The following NT5C3A variants were observed in gnomAD, a reference collection of about 807,000 sequenced individuals.
NT5C3A encodes the protein 5'-nucleotidase, cytosolic IIIA.
In NT5C3A, 23 loss-of-function variants were observed where a neutral mutation model predicts 40.0. The ratio of observed to expected loss-of-function variants is 0.58; its 90% CI spans 0.41 to 0.81. NT5C3A has a LOEUF of 0.81. Ranked by LOEUF, NT5C3A falls within the 40% of genes least tolerant of loss-of-function variation. NT5C3A has a pLI of 0.00. For missense variants in NT5C3A, 328 were observed against 403.0 expected (o/e 0.81, Z 1.59); for synonymous variants, 130 against 141.4 (o/e 0.92, Z 0.57).
chr7:33,031,475 A>G (rs1233930246), intron 1 of NT5C3A, among the ~76,000 whole-genome samples: 1 of 151,860 alleles, frequency 6.6e-6, no homozygotes, highest in Non-Finnish European at 1.5e-5. Flanking sequence ...GTAGTCCCAG[A>G]TACTCGGAGG....
intron 1 of NT5C3A, among the ~76,000 whole-genome samples, chr7:33,033,481 C>A (rs567776027): frequency 6.6e-6 from 1 of 152,140 alleles, no homozygotes; most frequent in East Asian, 1.9e-4. Context: ...GTGTGTGAAG[C>A]CGCTCTGTAA....
intron 1 of NT5C3A, among the ~76,000 whole-genome samples, chr7:33,057,587 A>T (rs1267945087): frequency 2.0e-5 from 3 of 148,394 alleles, no homozygotes; most frequent in African/African-American, 5.2e-5. Flanking sequence ...CTAAAGTTTT[A>T]AAAAAACCAC....
intron 1 of NT5C3A, among the ~76,000 whole-genome samples, chr7:33,039,424 A>T (rs1786788143): frequency 6.6e-6 from 1 of 152,136 alleles, no homozygotes; most frequent in Non-Finnish European, 1.5e-5. Context: ...GTGAATGCTA[A>T]ACTGTGTATT....
rs768382506 is a variant in NT5C3A, at chr7:33,062,712, G to T, written c.-7C>A. 18 of 1,559,026 alleles carry T rather than the reference G, an allele frequency of 1.2e-5. 1 individual carries two copies. The East Asian group carries it at 3.9e-4, about 34-fold the overall frequency. ...CCACGGCCGCGCGGTCCATGGACGG[G>T]GCCCTCATGCGCGTCCAAGCAGGAA... On this transcript the variant is annotated 5_prime_UTR_variant, in exon 1 of 9. Transcript: ENST00000610140.
At chr7:33,059,729 C>G (rs1436408496) in intron 1 of NT5C3A, among the ~76,000 whole-genome samples, 1 of 152,166 alleles carries the variant, frequency 6.6e-6, no homozygotes, top group Non-Finnish European at 1.5e-5. Context: ...AGATTCAAAA[C>G]TAGGTTTGTA....
In NT5C3A at chr7:33,017,529, G is replaced by A. The variant is rs746553544; in HGVS notation, c.603C>T (p.Ile201=). 64 of 1,613,500 alleles carry A rather than the reference G, an allele frequency of 4.0e-5. No homozygotes were observed. Among genetic ancestry groups the A allele is most frequent in the East Asian group, 1.8e-4 (8 of 44,874 alleles). The change falls in exon 7 of 9, where the codon ATC becomes ATT. Residue 201 remains isoleucine, a synonymous_variant. Coordinates refer to ENST00000610140, the MANE Select transcript of NT5C3A (RefSeq NM_001002010.5). ...SIPVFIFSAG[I]GDVLEEVIRQ... ...GAATAACTTCCTCTAGTACATCGCC[G>A]ATTCCAGCCGAAAATATGAACACGG...
At chr7:33,056,290 G>T (rs1787562139) in intron 1 of NT5C3A, among the ~76,000 whole-genome samples, 1 of 151,664 alleles carries the variant, frequency 6.6e-6, no homozygotes, top group South Asian at 2.1e-4. Context: ...GTCCTAAAAA[G>T]TCATAAATCT....
chr7:33,036,524 T>C (rs1290428928), intron 1 of NT5C3A: 1 of 154,924 alleles, frequency 6.5e-6, no homozygotes, highest in Admixed American at 6.3e-5. Flanking sequence ...AGATTAACCA[T>C]TTTGTATGGA....
rs761132643 is a variant in NT5C3A, at chr7:33,014,802, G to A, written c.924C>T (p.Asp308=). 6.2e-7 allele frequency: 1 copy of A among 1,612,928 alleles called. No homozygotes were observed. Among genetic ancestry groups the A allele is most frequent in the Admixed American group, 1.7e-5 (1 of 60,014 alleles). The stretch of plus-strand genomic sequence containing the variant: ...CTTGTACTAAAACAATATCATAAGA[G>A]TCCATGTACTTTTCTAAAAGCTCAT... ...RVDELLEKYM[D]SYDIVLVQDE... is the part of the protein sequence containing the mutation. Residue 308 remains aspartate (D), a synonymous_variant, in exon 9 of 9, where the codon GAC becomes GAT. Transcript: ENST00000610140.
At chr7:33,024,324 T>TG (rs1024719739) in intron 2 of NT5C3A, among the ~76,000 whole-genome samples, 2 of 152,224 alleles carry the variant, frequency 1.3e-5, no homozygotes, top group Non-Finnish European at 2.9e-5. Context: ...GGTGCTACCT[T>TG]GAGTGCCCTA....
rs766775763 is a variant in NT5C3A at position 33,015,648 on chromosome 7, A to G, written c.894+22T>C. 4.6e-6 allele frequency: 7 copies of G among 1,506,418 alleles called. No homozygotes were observed. The African/African-American group carries it at 9.6e-5, about 21-fold the overall frequency. 93.3% of individuals were successfully genotyped at this position (1,506,418 alleles called of 1,614,324 possible). ...TCATCCTAATATTTTCTTCGAAAAAAATTACAGATTTGTATACTTACTCTA... is the reference window on the plus strand; with the variant it reads ...TCATCCTAATATTTTCTTCGAAAAAGATTACAGATTTGTATACTTACTCTA... On this transcript the variant is annotated intron_variant, in intron 8 of 8. Transcript: ENST00000610140.
At chr7:33,052,381 G>T (rs1787402133) in intron 1 of NT5C3A, among the ~76,000 whole-genome samples, 1 of 73,638 alleles carries the variant, frequency 1.4e-5, no homozygotes, top group Non-Finnish European at 3.0e-5. Flanking sequence ...TACTCAGGTG[G>T]CTGAGGCACC....
At chr7:33,052,835 A>T (rs947942749) in intron 1 of NT5C3A, among the ~76,000 whole-genome samples, 1 of 152,174 alleles carries the variant, frequency 6.6e-6, no homozygotes, top group Non-Finnish European at 1.5e-5. Flanking sequence ...GTCCAACCTC[A>T]AAGTTTCTGA....
intron 1 of NT5C3A, among the ~76,000 whole-genome samples, chr7:33,060,084 G>GACT (rs1562607183): frequency 6.6e-6 from 1 of 152,082 alleles, no homozygotes; most frequent in Non-Finnish European, 1.5e-5. Context: ...AAGTAGGTGG[G>GACT]ACTACACTAC....
At chr7:33,036,815 T>A (rs1443390942) in intron 1 of NT5C3A, among the ~76,000 whole-genome samples, 1 of 152,012 alleles carries the variant, frequency 6.6e-6, no homozygotes, top group Non-Finnish European at 1.5e-5. Flanking sequence ...TTTTATTTTT[T>A]ATTTTTATTT....
At chr7:33,043,549 T>C (rs1013737457) in intron 1 of NT5C3A, among the ~76,000 whole-genome samples, 1 of 152,144 alleles carries the variant, frequency 6.6e-6, no homozygotes, top group Admixed American at 6.5e-5. Context: ...CCAGCCAGCT[T>C]TGTCGGCTCC....
At chr7:33,022,935 C>CT (rs1785707868) in intron 3 of NT5C3A, among the ~76,000 whole-genome samples, 2 of 133,202 alleles carry the variant, frequency 1.5e-5, no homozygotes, top group South Asian at 5.3e-4. Flanking sequence ...TTTTTTTTTT[C>CT]GAGACAGGGT....
chr7:33,053,303 A>T (rs774486778), intron 1 of NT5C3A, among the ~76,000 whole-genome samples: 2 of 151,930 alleles, frequency 1.3e-5, no homozygotes, highest in South Asian at 2.1e-4. Flanking sequence ...TTCTCCTGCC[A>T]CAGCCTCCTG....
At chr7:33,017,965 A>G (rs1366577188) in intron 6 of NT5C3A, among the ~76,000 whole-genome samples, 2 of 152,192 alleles carry the variant, frequency 1.3e-5, no homozygotes, top group African/African-American at 4.8e-5. Flanking sequence ...GGATTGCTTG[A>G]GCCCAGGAGT....
Sources: gnomAD v4.1 joint callset for allele counts (sites outside exome capture counted in the v4.1 genomes callset) on GRCh38, gnomAD v4.1.1 for gene constraint, MANE v1.5 for transcripts, NCBI Gene and HGNC (gene_info 2026-07-23, HGNC 2026-07-21) for gene names.